Variants in NXPE2 observed in about 807,000 individuals in gnomAD.
The protein encoded by NXPE2 is neurexophilin and PC-esterase domain family member 2.
A neutral mutation model predicts 34.4 loss-of-function variants in NXPE2; 34 were observed. The observed-to-expected ratio is 0.99, with a 90% confidence interval of 0.75 to 1.31. The LOEUF (loss-of-function observed/expected upper bound fraction) is 1.31. Ranked by LOEUF, NXPE2 falls within the 40% of genes most tolerant of loss-of-function variation. The probability of loss-of-function intolerance (pLI) is 0.00; values close to 1 mark genes in which losing one functional copy is unlikely to be tolerated. For synonymous variants in NXPE2, 235 were observed against 231.3 expected, an observed-to-expected ratio of 1.02 and a Z score of -0.15; for missense variants, 649 against 672.5, an observed-to-expected ratio of 0.97 and a Z score of 0.39.
At chr11:114,691,418 T>C (rs1951146685) in intron 2 of NXPE2, among the ~76,000 whole-genome samples, 1 of 152,106 alleles carries the variant, frequency 6.6e-6, no homozygotes, top group Non-Finnish European at 1.5e-5. Flanking sequence ...TGTAGCAATG[T>C]GGTTTTGTTT....
the NXPE2 span, among the ~76,000 whole-genome samples, chr11:114,538,821 T>G: frequency 3.2e-4 from 49 of 152,228 alleles, 3 homozygotes; most frequent in Admixed American, 3.2e-3. Flanking sequence ...TAGGAACACT[T>G]TTACATTGTT....
chr11:114,719,845 C>T, the NXPE2 span, among the ~76,000 whole-genome samples: 62 of 152,276 alleles, frequency 4.1e-4, 1 homozygote, highest in East Asian at 7.7e-4. Flanking sequence ...AGACCCTGTC[C>T]TGATTCTCCT....
chr11:114,523,146 C>T, the NXPE2 span: 2 of 1,284,666 alleles, frequency 1.6e-6, no homozygotes, highest in African/African-American at 1.5e-5. Flanking sequence ...GACATCTAGC[C>T]TTCTTTCCTG....
the NXPE2 span, among the ~76,000 whole-genome samples, chr11:114,601,060 A>T: frequency 6.6e-6 from 1 of 152,002 alleles, no homozygotes; most frequent in Admixed American, 6.6e-5. Context: ...TAATCTATCA[A>T]TGTCACACTG....
chr11:114,564,165 G>C, the NXPE2 span, among the ~76,000 whole-genome samples: 1 of 152,166 alleles, frequency 6.6e-6, no homozygotes. Flanking sequence ...AACCTGGATA[G>C]AGTCGAAGCC....
the NXPE2 span, among the ~76,000 whole-genome samples, chr11:114,759,302 T>C: frequency 6.6e-6 from 1 of 152,170 alleles, no homozygotes. Flanking sequence ...TTGAAATCTG[T>C]CTCTACCACC....
the NXPE2 span, among the ~76,000 whole-genome samples, chr11:114,650,074 G>A: frequency 6.6e-6 from 1 of 151,548 alleles, no homozygotes; most frequent in Non-Finnish European, 1.5e-5. Flanking sequence ...CTAACAATGA[G>A]AAAAAAAATC....
chr11:114,586,736 A>G, the NXPE2 span, among the ~76,000 whole-genome samples: 26 of 152,178 alleles, frequency 1.7e-4, no homozygotes, highest in Admixed American at 1.6e-3. Context: ...CTGATGGGTG[A>G]TGGCAACAGG....
At chr11:114,676,521 C>T (rs80245442), upstream of NXPE2, among the ~76,000 whole-genome samples, 14,004 of 151,992 alleles carry the variant, frequency 0.092, 763 homozygotes, top group Middle Eastern at 0.2. Flanking sequence ...TCAAGCCTCA[C>T]TAATCATCAG....
the NXPE2 span, among the ~76,000 whole-genome samples, chr11:114,479,193 A>G: frequency 6.6e-6 from 1 of 152,166 alleles, no homozygotes. Flanking sequence ...TCTTGTTCTG[A>G]TGCAATTAGT....
chr11:114,582,991 G>C, the NXPE2 span: 9 of 1,613,472 alleles, frequency 5.6e-6, no homozygotes, highest in South Asian at 3.3e-5. Flanking sequence ...CAGTAATGGA[G>C]GGAGATGGAT....
the NXPE2 span, among the ~76,000 whole-genome samples, chr11:114,718,643 G>T: frequency 6.6e-6 from 1 of 152,184 alleles, no homozygotes; most frequent in Non-Finnish European, 1.5e-5. Flanking sequence ...CACTTGAGGG[G>T]TCTGAAAAGA....
the NXPE2 span, among the ~76,000 whole-genome samples, chr11:114,540,463 A>T: frequency 6.6e-6 from 1 of 152,234 alleles, no homozygotes; most frequent in African/African-American, 2.4e-5. Flanking sequence ...CCTAGTCCAC[A>T]TATATACATA....
At chr11:114,569,845 C>T in the NXPE2 span, among the ~76,000 whole-genome samples, 1 of 152,096 alleles carries the variant, frequency 6.6e-6, no homozygotes, top group South Asian at 2.1e-4. Flanking sequence ...CCCCTCACCC[C>T]CACACTCAAG....
Position 114,679,741 on chromosome 11 carries a change from G to A in NXPE2, c.111G>A (p.Leu37=). ...TCTTAATTTTCTGGATCATTTACTT[G>A]GCTTCAAAAGACCACACAAAGGTAG... ...TFILIFWIIY[L]ASKDHTKFSF... Residue 37 remains leucine (L), a synonymous_variant, in exon 2 of 6, where the codon TTG becomes TTA. Coordinates refer to ENST00000389586, the MANE Select transcript of NXPE2 (RefSeq NM_182495.6). 2 of 1,547,628 alleles carry A rather than the reference G, an allele frequency of 1.3e-6. No individual in the cohort carries two copies. Among genetic ancestry groups the A allele is most frequent in the Non-Finnish European group, 1.7e-6 (2 of 1,143,938 alleles).
chr11:114,583,295 T>A, the NXPE2 span: 2 of 639,846 alleles, frequency 3.1e-6, no homozygotes, highest in South Asian at 3.3e-5. Context: ...CTGTTACTAC[T>A]ACGATAGGGG....
the NXPE2 span, among the ~76,000 whole-genome samples, chr11:114,642,371 TCATCATCCCAC>T: frequency 6.6e-6 from 1 of 152,058 alleles, no homozygotes; most frequent in South Asian, 2.1e-4. Flanking sequence ...TTTGCTGCAC[TCATCATCCCAC>T]CATCTACAGT....
the NXPE2 span, among the ~76,000 whole-genome samples, chr11:114,612,152 G>C: frequency 6.6e-6 from 1 of 151,980 alleles, no homozygotes. Flanking sequence ...GGTAACCACA[G>C]TTGCCCAGTG....
the NXPE2 span, among the ~76,000 whole-genome samples, chr11:114,576,800 A>G: frequency 1.3e-5 from 2 of 151,668 alleles, no homozygotes; most frequent in African/African-American, 4.8e-5. Flanking sequence ...AGAACTAAAA[A>G]CAGATCTACC....
Sources: gnomAD v4.1 joint callset for allele counts (sites outside exome capture counted in the v4.1 genomes callset) on GRCh38, gnomAD v4.1.1 for gene constraint, MANE v1.5 for transcripts, NCBI Gene and HGNC (gene_info 2026-07-23, HGNC 2026-07-21) for gene names.